The following STX8 variants were observed in gnomAD, a reference collection of about 807,000 sequenced individuals.
The protein encoded by STX8 is syntaxin 8.
Under a neutral mutation model 37.5 loss-of-function variants are expected in STX8, and 23 were observed. The observed-to-expected ratio is 0.61, with a 90% CI of 0.44 to 0.87. The LOEUF (loss-of-function observed/expected upper bound fraction) is 0.87, where lower values mean the gene tolerates loss of function less well. Ranked by LOEUF, STX8 falls within the 40% of genes least tolerant of loss-of-function variation. The probability of loss-of-function intolerance (pLI) is 0.00; values close to 1 mark genes in which losing one functional copy is unlikely to be tolerated. For synonymous variants in STX8, 115 were observed against 99.1 expected (o/e 1.16, Z -0.95); for missense variants, 313 against 284.7 (o/e 1.10, Z -0.71).
intron 4 of STX8, among the ~76,000 whole-genome samples, chr17:9,527,185 C>CGAAAAAAAAAA: frequency 2.0e-5 from 1 of 49,630 alleles, no homozygotes; most frequent in East Asian, 8.7e-4. Flanking sequence ...GACTCCGTCT[C>CGAAAAAAAAAA]AAAAAAAAAA....
chr17:9,252,182 C>T (rs1417558352), intron 7 of STX8, among the ~76,000 whole-genome samples: 3 of 150,344 alleles, frequency 2.0e-5, no homozygotes, highest in Admixed American at 6.6e-5. Context: ...CAGTGGCTCA[C>T]GCCTGTAATC....
At chr17:9,279,076 T>G (rs576637848) in intron 7 of STX8, among the ~76,000 whole-genome samples, 12 of 151,938 alleles carry the variant, frequency 7.9e-5, no homozygotes, top group South Asian at 2.1e-4. Flanking sequence ...TTGTTTTTTT[T>G]TTTTGAGATG....
chr17:9,466,844 A>T (rs1905633684), intron 6 of STX8, among the ~76,000 whole-genome samples: 1 of 152,162 alleles, frequency 6.6e-6, no homozygotes, highest in Non-Finnish European at 1.5e-5. Flanking sequence ...AACAATGCAC[A>T]CTTACTGAGC....
intron 6 of STX8, among the ~76,000 whole-genome samples, chr17:9,482,914 CA>C (rs1001773397): frequency 4.5e-4 from 68 of 152,062 alleles, no homozygotes; most frequent in African/African-American, 1.5e-3. Flanking sequence ...AACTGCGTCT[CA>C]AAAAACAAAA....
At chr17:9,416,994 G>A (rs968723657) in intron 6 of STX8, among the ~76,000 whole-genome samples, 4 of 152,070 alleles carry the variant, frequency 2.6e-5, no homozygotes, top group African/African-American at 9.7e-5. Flanking sequence ...ATGACTCAGC[G>A]GGTCCTGTGG....
intron 6 of STX8, among the ~76,000 whole-genome samples, chr17:9,441,486 TAAA>T (rs71135985): frequency 7.6e-5 from 10 of 132,016 alleles, no homozygotes; most frequent in East Asian, 2.3e-4. Flanking sequence ...AGACTCCATC[TAAA>T]AAAAAAAAAA....
chr17:9,343,314 T>C (rs1910435566), intron 7 of STX8, among the ~76,000 whole-genome samples: 1 of 152,086 alleles, frequency 6.6e-6, no homozygotes, highest in African/African-American at 2.4e-5. Flanking sequence ...GACAGTAAAA[T>C]CAGATGAAAG....
chr17:9,275,387 C>T (rs1907637091), intron 7 of STX8, among the ~76,000 whole-genome samples: 1 of 152,232 alleles, frequency 6.6e-6, no homozygotes, highest in Admixed American at 6.5e-5. Flanking sequence ...TGCTCTCTGT[C>T]TCTCCTTTAG....
intron 6 of STX8, among the ~76,000 whole-genome samples, chr17:9,477,048 G>A (rs1906135573): frequency 1.3e-5 from 2 of 151,862 alleles, no homozygotes; most frequent in African/African-American, 4.8e-5. Context: ...TGTAGAGATG[G>A]GGTCTCCCTG....
intron 4 of STX8, among the ~76,000 whole-genome samples, chr17:9,540,475 T>C (rs991739334): frequency 6.6e-6 from 1 of 152,204 alleles, no homozygotes; most frequent in African/African-American, 2.4e-5. Flanking sequence ...AAAGCAATCC[T>C]AGCCCAACAA....
At chr17:9,369,392 G>C (rs1185062763) in intron 7 of STX8, among the ~76,000 whole-genome samples, 1 of 152,166 alleles carries the variant, frequency 6.6e-6, no homozygotes, top group Non-Finnish European at 1.5e-5. Flanking sequence ...TAGCCAGATA[G>C]AAATATTCTT....
At chr17:9,432,913 T>A (rs1462521805) in intron 6 of STX8, among the ~76,000 whole-genome samples, 1 of 152,198 alleles carries the variant, frequency 6.6e-6, no homozygotes, top group Non-Finnish European at 1.5e-5. Flanking sequence ...TGTTTATAGC[T>A]CAGGTGCAGT....
chr17:9,285,530 T>C (rs1232503008), intron 7 of STX8, among the ~76,000 whole-genome samples: 2 of 152,048 alleles, frequency 1.3e-5, no homozygotes, highest in African/African-American at 4.8e-5. Context: ...GCCTTTTCTC[T>C]AAGGCCGGCC....
At chr17:9,393,846 G>C (rs1478399448) in intron 6 of STX8, among the ~76,000 whole-genome samples, 1 of 152,172 alleles carries the variant, frequency 6.6e-6, no homozygotes, top group East Asian at 1.9e-4. Flanking sequence ...AGTATGGTCG[G>C]TTTACAAAAG....
Position 9,456,290 on chromosome 17 carries a change from T to C in STX8, c.541+35539A>G, listed in dbSNP as rs1427629614. Reference sequence around the variant, plus strand: ...GGGGTGGCAGATGAAGCGAGTCTTGTGGGTCTCAGGACAGTCTTTGGAACA... The same window carrying C: ...GGGGTGGCAGATGAAGCGAGTCTTGCGGGTCTCAGGACAGTCTTTGGAACA... On this transcript the variant is annotated intron_variant, in intron 6 of 7. Transcript: ENST00000306357. Among the ~76,000 whole-genome samples, 3 of 152,218 alleles carry C rather than the reference T, an allele frequency of 2.0e-5. No homozygotes were observed. The East Asian group carries it at 5.8e-4, about 29-fold the overall frequency.
chr17:9,384,409 C>T (rs944195658), intron 6 of STX8, among the ~76,000 whole-genome samples: 7 of 152,082 alleles, frequency 4.6e-5, no homozygotes, highest in Admixed American at 1.3e-4. Flanking sequence ...GAGGCCTAGG[C>T]GGGTGGATCA....
At chr17:9,266,455 G>A (rs1390372628) in intron 7 of STX8, among the ~76,000 whole-genome samples, 1 of 152,148 alleles carries the variant, frequency 6.6e-6, no homozygotes, top group East Asian at 1.9e-4. Context: ...ATTAGCGGCC[G>A]TTTTACTTCA....
chr17:9,299,147 C>T (rs1198565057), intron 7 of STX8, among the ~76,000 whole-genome samples: 1 of 152,180 alleles, frequency 6.6e-6, no homozygotes, highest in Non-Finnish European at 1.5e-5. Flanking sequence ...CTTCAGATGG[C>T]ACTGGTGACC....
intron 7 of STX8, among the ~76,000 whole-genome samples, chr17:9,373,485 A>G (rs930339939): frequency 6.6e-6 from 1 of 152,238 alleles, no homozygotes; most frequent in Admixed American, 6.5e-5. Flanking sequence ...TGAAGACATC[A>G]CCCTAAATAA....
Sources: allele counts gnomAD v4.1 joint callset (sites outside exome capture counted in the v4.1 genomes callset), GRCh38; gene constraint gnomAD v4.1.1; transcripts MANE v1.5; gene names NCBI Gene and HGNC (gene_info 2026-07-23, HGNC 2026-07-21).